The following SLC5A7 variants were observed in gnomAD, a reference collection of about 807,000 sequenced individuals.
SLC5A7 encodes the protein high affinity choline transporter 1.
Under a neutral mutation model 55.4 loss-of-function variants are expected in SLC5A7, and 19 were observed. The ratio of observed to expected loss-of-function variants is 0.34; its 90% CI spans 0.24 to 0.50. The LOEUF is 0.50. SLC5A7 is among the 20% of genes least tolerant of loss of function. SLC5A7 has a pLI of 0.98. For missense variants in SLC5A7, 506 were observed against 705.3 expected (o/e 0.72, Z 3.20); for synonymous variants, 265 against 263.7 (o/e 1.00, Z -0.05).
chr2:108,000,922 A>AT (rs1677865521), intron 5 of SLC5A7, among the ~76,000 whole-genome samples: 1 of 136,168 alleles, frequency 7.3e-6, no homozygotes, highest in African/African-American at 2.8e-5. Flanking sequence ...TTTTAATACA[A>AT]TTCTTTTTTT....
chr2:108,006,670 G>C (rs1678136244), intron 7 of SLC5A7, among the ~76,000 whole-genome samples: 1 of 152,060 alleles, frequency 6.6e-6, no homozygotes, highest in African/African-American at 2.4e-5. Flanking sequence ...GGAATGGTGG[G>C]GAGATCTTTT....
At chr2:108,005,019 A>T (rs1678049956) in intron 6 of SLC5A7, among the ~76,000 whole-genome samples, 1 of 152,250 alleles carries the variant, frequency 6.6e-6, no homozygotes, top group South Asian at 2.1e-4. Flanking sequence ...ATTTAAGCAC[A>T]TTCCAATATA....
chr2:108,010,431 G>T lies in SLC5A7; in HGVS notation c.1313G>T (p.Gly438Val), dbSNP rs1678275775. The T allele has an allele frequency of 6.2e-7, 1 of 1,613,912 alleles. No homozygotes were observed. Among genetic ancestry groups the T allele is most frequent in the Non-Finnish European group, 8.5e-7 (1 of 1,179,924 alleles). The change falls in exon 9 of 9, where the codon GGT becomes GTT. Residue 438 changes from glycine to valine, a missense_variant. By Grantham distance (109) the Gly-to-Val change is moderately radical. Coordinates refer to ENST00000264047, the MANE Select transcript of SLC5A7 (RefSeq NM_021815.5). ...KGTNTYGAVA[G>V]YVSGLFLRIT... ...ACCAACACCTATGGGGCCGTGGCAG[G>T]TTATGTTTCTGGCCTCTTCCTGAGA... is the stretch of plus-strand genomic sequence containing the variant.
At position 108,013,166 on chromosome 2, in the gene SLC5A7, T is replaced by C. The variant is rs1678405533; in HGVS notation, c.*2305T>C. The C allele has an allele frequency of 6.6e-6, 1 of 152,064 alleles. No individual in the cohort carries two copies. Among genetic ancestry groups the C allele is most frequent in the Non-Finnish European group, 1.5e-5 (1 of 67,998 alleles). The allele number at this position is 152,064 out of a possible 1,614,324, so 9.4% of individuals were successfully genotyped here. A position where few individuals can be genotyped will look rare whatever the true frequency, so the allele number is the denominator to read the frequency against. On this transcript the variant is annotated 3_prime_UTR_variant, in exon 9 of 9. Coordinates refer to ENST00000264047, the MANE Select transcript of SLC5A7 (RefSeq NM_021815.5). ...AAAAAGGTTAACAGTAAAAATTTCTTCCACGTAATTCAATTTCTCACAATA... is the reference window on the plus strand; with the variant it reads ...AAAAAGGTTAACAGTAAAAATTTCTCCCACGTAATTCAATTTCTCACAATA...
At chr2:108,010,093 T>G in intron 8 of SLC5A7, 139 bp from the exon 9 acceptor site, 1 of 1,007,398 alleles carries the variant, frequency 9.9e-7, no homozygotes, top group Non-Finnish European at 1.4e-6. Flanking sequence ...GTAGCTGTAG[T>G]TGGTTTTTCC....
intron 1 of SLC5A7, 90 bp downstream of exon 1, chr2:107,986,853 G>C (rs2104329527): frequency 6.6e-6 from 1 of 152,380 alleles, no homozygotes; most frequent in Non-Finnish European, 1.5e-5. Flanking sequence ...AGAGGGGAGG[G>C]ACGCGGCGTT....
chr2:107,992,362 A>G (rs1677483497), intron 3 of SLC5A7, 143 bp downstream of exon 3: 1 of 488,768 alleles, frequency 2.0e-6, no homozygotes, highest in Admixed American at 3.6e-5. Flanking sequence ...AGTCATTACC[A>G]GAAACTGGTA....
intron 6 of SLC5A7, 106 bp downstream of exon 6, chr2:108,002,146 G>A (rs1677935555): frequency 7.5e-7 from 1 of 1,328,898 alleles, no homozygotes; most frequent in Non-Finnish European, 1.0e-6. Context: ...GTGGGCTCAT[G>A]GCCATTTCTG....
rs567686195 is a variant in SLC5A7 at position 107,996,883 on chromosome 2, G to A, written c.449-955G>A. ...GGTATCCTAGGAGCAGGACTGGTAT[G>A]TTCTACCAATTAAATAAAAGAAGAG... On this transcript the variant is annotated intron_variant, in intron 4 of 8. Coordinates refer to ENST00000264047, the MANE Select transcript of SLC5A7 (RefSeq NM_021815.5). Among the ~76,000 whole-genome samples the A allele has an allele frequency of 3.3e-5, 5 of 152,306 alleles. 1 individual carries two copies. In the South Asian group the frequency reaches 1.0e-3, roughly 32 times the overall value.
rs11889263 is a variant in SLC5A7, at chr2:108,012,129, T to G, written c.*1268T>G. On this transcript the variant is annotated 3_prime_UTR_variant, in exon 9 of 9. Coordinates refer to ENST00000264047, the MANE Select transcript of SLC5A7 (RefSeq NM_021815.5). ...TGAGATTGGTCATTAAATACTATTT[T>G]GCTCCTTTTCTGGTGTTACACATAC... The G allele has an allele frequency of 0.56, 84,834 of 151,860 alleles. 23,901 individuals are homozygous for G. Among genetic ancestry groups the G allele is most frequent in the East Asian group, 0.71 (3,634 of 5,116 alleles). 9.4% of individuals were successfully genotyped at this position (151,860 alleles called of 1,614,324 possible).
At chr2:107,992,252 CAGTAA>C in intron 3 of SLC5A7, 33 bp downstream of exon 3, 2 of 1,263,690 alleles carry the variant, frequency 1.6e-6, no homozygotes, top group African/African-American at 1.5e-5. Context: ...GTGACTCACT[CAGTAA>C]AGTATACAGA....
rs1300786995 is a variant in SLC5A7, at chr2:108,012,644, A to T, written c.*1783A>T. On this transcript the variant is annotated 3_prime_UTR_variant, in exon 9 of 9. Transcript: ENST00000264047. ...GCATTCAAAATCTTCACTGAATATC[A>T]TATGTATCTAAATGAAAAGAGAATT... 6.6e-6 allele frequency: 1 copy of T among 152,122 alleles called. No homozygotes were observed. Among genetic ancestry groups the T allele is most frequent in the African/African-American group, 2.4e-5 (1 of 41,440 alleles). The allele number at this position is 152,122 out of a possible 1,614,324, so 9.4% of individuals were successfully genotyped here. A position where few individuals can be genotyped will look rare whatever the true frequency, so the allele number is the denominator to read the frequency against.
At chr2:107,986,996 G>A (rs1252452039) in intron 1 of SLC5A7, among the ~76,000 whole-genome samples, 1 of 152,104 alleles carries the variant, frequency 6.6e-6, no homozygotes, top group Non-Finnish European at 1.5e-5. Flanking sequence ...GGCCGGGAGA[G>A]CATCGGGCTG....
chr2:108,002,991 A>G (rs1039244786), intron 6 of SLC5A7, among the ~76,000 whole-genome samples: 3 of 152,222 alleles, frequency 2.0e-5, no homozygotes, highest in African/African-American at 7.2e-5. Context: ...GCTGAATTCT[A>G]GCATTACCTC....
chr2:107,995,026 A>G (rs1294441867), intron 4 of SLC5A7, among the ~76,000 whole-genome samples: 2 of 152,214 alleles, frequency 1.3e-5, no homozygotes, highest in African/African-American at 4.8e-5. Context: ...CCTGTATTAC[A>G]ATATACAGTC....
At chr2:108,002,178 AG>A in intron 6 of SLC5A7, 138 bp downstream of exon 6, 1 of 1,042,600 alleles carries the variant, frequency 9.6e-7, no homozygotes, top group Non-Finnish European at 1.4e-6. Flanking sequence ...CTCTATCGGG[AG>A]GGTGGAGCCA....
intron 2 of SLC5A7, among the ~76,000 whole-genome samples, chr2:107,989,371 G>A (rs1243134850): frequency 1.3e-5 from 2 of 152,318 alleles, no homozygotes; most frequent in East Asian, 1.9e-4. Flanking sequence ...AAACCAGTCT[G>A]GGGAGAGGCC....
chr2:107,996,032 G>A (rs1677656680), intron 4 of SLC5A7, among the ~76,000 whole-genome samples: 1 of 152,034 alleles, frequency 6.6e-6, no homozygotes, highest in African/African-American at 2.4e-5. Flanking sequence ...ATATCTCTGA[G>A]TTACAGTTAA....
intron 3 of SLC5A7, 38 bp from the exon 4 acceptor site, chr2:107,992,934 T>A: frequency 6.2e-7 from 1 of 1,604,272 alleles, no homozygotes; most frequent in Non-Finnish European, 8.5e-7. Flanking sequence ...TATATTACAT[T>A]CTTTTTATTT....
Sources: allele counts gnomAD v4.1 joint callset (sites outside exome capture counted in the v4.1 genomes callset), GRCh38; gene constraint gnomAD v4.1.1; transcripts MANE v1.5; gene names NCBI Gene and HGNC (gene_info 2026-07-23, HGNC 2026-07-21).